SMARCAD1: variants seen among roughly 807,000 people sequenced by gnomAD.
SMARCAD1 encodes SWI/SNF-related matrix-associated actin-dependent regulator of chromatin subfamily A containing DEAD/H box 1.
Under a neutral mutation model 127.1 loss-of-function variants are expected in SMARCAD1, and 25 were observed. The ratio of observed to expected loss-of-function variants is 0.20; its 90% CI spans 0.14 to 0.27. The LOEUF (loss-of-function observed/expected upper bound fraction) is 0.27. Among genes scored for constraint, SMARCAD1 ranks in the 10% least tolerant of loss-of-function variants. SMARCAD1 has a pLI of 1.00. For missense variants in SMARCAD1, 807 were observed against 1,206.0 expected, an observed-to-expected ratio of 0.67 and a Z score of 4.90; for synonymous variants, 400 against 396.9, an observed-to-expected ratio of 1.01 and a Z score of -0.09.
At chr4:94,273,513 CA>C in intron 11 of SMARCAD1, 103 bp from the exon 12 acceptor site, 1 of 839,508 alleles carries the variant, frequency 1.2e-6, no homozygotes, top group Non-Finnish European at 1.9e-6. Flanking sequence ...TCTGGGAAAT[CA>C]AAAGTGAATA....
intron 2 of SMARCAD1, among the ~76,000 whole-genome samples, chr4:94,218,735 T>G (rs930381144): frequency 6.6e-6 from 1 of 152,214 alleles, no homozygotes; most frequent in African/African-American, 2.4e-5. Context: ...TTGATTCATC[T>G]TTTATTAAGA....
intron 9 of SMARCAD1, among the ~76,000 whole-genome samples, chr4:94,264,125 T>C (rs558075397): frequency 7.9e-5 from 12 of 152,048 alleles, no homozygotes; most frequent in Non-Finnish European, 1.6e-4. Context: ...TCATGTGATA[T>C]CTCTCCGTGT....
At chr4:94,249,433 G>A (rs865825124) in intron 6 of SMARCAD1, among the ~76,000 whole-genome samples, 33 of 151,858 alleles carry the variant, frequency 2.2e-4, no homozygotes, top group African/African-American at 6.3e-4. Flanking sequence ...TTGAGTTACC[G>A]GATATGCAAT....
In SMARCAD1 at chr4:94,234,105, G is replaced by T; in HGVS notation, c.520G>T (p.Asp174Tyr). ...GAAGGAACTTTTTCCACAAAGAAGTGACAATGATTTACTTAAGGTTATATT... is the reference window on the plus strand; with the variant it reads ...GAAGGAACTTTTTCCACAAAGAAGTTACAATGATTTACTTAAGGTTATATT... ...TLKELFPQRS[D>Y]NDLLKLIEST... The change falls in exon 4 of 24, where the codon GAC (aspartate) becomes TAC (tyrosine). Residue 174 changes from aspartate (D) to tyrosine (Y), a missense_variant. Asp to Tyr is a radical substitution (Grantham distance 160, BLOSUM62 -3). This residue lies in a region of SMARCAD1 where 48 missense variants were observed against 90.8 expected (regional missense o/e 0.53). Coordinates refer to ENST00000354268, the MANE Select transcript of SMARCAD1 (RefSeq NM_020159.5). 1.9e-6 allele frequency: 3 copies of T among 1,606,934 alleles called. No individual in the cohort carries two copies. In the South Asian group the frequency reaches 3.3e-5, roughly 18 times the overall value.
chr4:94,225,035 T>C (rs1166650115), intron 2 of SMARCAD1, among the ~76,000 whole-genome samples: 3 of 152,308 alleles, frequency 2.0e-5, no homozygotes, highest in South Asian at 2.1e-4. Context: ...TCCTAAAATA[T>C]GTAAGGGTAA....
chr4:94,278,044 A>G (rs1255793428), intron 16 of SMARCAD1, among the ~76,000 whole-genome samples: 6 of 152,164 alleles, frequency 3.9e-5, no homozygotes, highest in African/African-American at 1.4e-4. Context: ...GCCATTTTCC[A>G]CAAAGAAATA....
rs923325132 is a variant in SMARCAD1, at chr4:94,291,181, G to A, written c.*1647G>A. The A allele has an allele frequency of 6.6e-6, 3 of 453,096 alleles. No individual in the cohort carries two copies. The highest frequency in any genetic ancestry group is 1.3e-5 in the Non-Finnish European group (3 of 226,414). 28.1% of individuals were successfully genotyped at this position (453,096 alleles called of 1,614,324 possible). A position where few individuals can be genotyped will look rare whatever the true frequency, so the allele number is the denominator to read the frequency against. On this transcript the variant is annotated 3_prime_UTR_variant, in exon 24 of 24. Transcript: ENST00000354268. ...ATGATAGGCTGTTTCTTTTTTTGTT[G>A]TTATTGTTGTTGTTGTTATATCCAT...
chr4:94,285,081 G>T lies in SMARCAD1; in HGVS notation c.3019+12G>T. 6.5e-7 allele frequency: 1 copy of T among 1,537,278 alleles called. No individual in the cohort carries two copies. The highest frequency in any genetic ancestry group is 8.9e-7 in the Non-Finnish European group (1 of 1,118,000). ...TACAGTAGATGAAGGTGAGTTGTTT[G>T]TAAGCAGAAACTTCAATATTTATCT... On this transcript the variant is annotated intron_variant, in intron 23 of 23. Coordinates refer to ENST00000354268, the MANE Select transcript of SMARCAD1 (RefSeq NM_020159.5).
intron 3 of SMARCAD1, 105 bp downstream of exon 3, chr4:94,226,401 TC>T (rs376239868): frequency 6.3e-4 from 349 of 555,750 alleles, no homozygotes; most frequent in African/African-American, 7.0e-4. Flanking sequence ...TTTTTTTTTT[TC>T]TTTTTTTTTT....
At chr4:94,278,816 T>G in intron 18 of SMARCAD1, 83 bp downstream of exon 18, 1 of 1,599,442 alleles carries the variant, frequency 6.3e-7, no homozygotes, top group Non-Finnish European at 8.6e-7. Context: ...ATGGGATTTG[T>G]GCATTTTAAA....
chr4:94,221,011 T>C (rs1181451081), intron 2 of SMARCAD1, among the ~76,000 whole-genome samples: 2 of 152,216 alleles, frequency 1.3e-5, no homozygotes, highest in East Asian at 1.9e-4. Flanking sequence ...TCACAAAGTA[T>C]GGTTATACAA....
At chr4:94,260,307 A>G (rs572403181) in intron 9 of SMARCAD1, among the ~76,000 whole-genome samples, 6 of 152,262 alleles carry the variant, frequency 3.9e-5, no homozygotes, top group Admixed American at 6.5e-5. Flanking sequence ...GTCTGGATCC[A>G]TAATTCATTA....
intron 21 of SMARCAD1, among the ~76,000 whole-genome samples, chr4:94,282,206 T>TTCTC (rs1553921708): frequency 1.9e-5 from 1 of 51,388 alleles, no homozygotes; most frequent in Non-Finnish European, 4.7e-5. Context: ...TTCACGCCAT[T>TTCTC]CTGCCTCAGC....
At chr4:94,245,348 G>A (rs554284021) in intron 6 of SMARCAD1, among the ~76,000 whole-genome samples, 1 of 152,282 alleles carries the variant, frequency 6.6e-6, no homozygotes, top group Non-Finnish European at 1.5e-5. Context: ...TAATACAAAT[G>A]ATCAGATGTT....
chr4:94,213,429 A>C (rs1432787016), intron 2 of SMARCAD1, among the ~76,000 whole-genome samples: 1 of 152,206 alleles, frequency 6.6e-6, no homozygotes, highest in Non-Finnish European at 1.5e-5. Flanking sequence ...AGATTATAGA[A>C]CAGGAGGTTT....
chr4:94,282,799 C>T (rs1321348043), intron 21 of SMARCAD1, among the ~76,000 whole-genome samples: 1 of 151,828 alleles, frequency 6.6e-6, no homozygotes, highest in Non-Finnish European at 1.5e-5. Flanking sequence ...CGATATACTT[C>T]TGAGAAGGTT....
chr4:94,280,268 C>A (rs978560197), intron 19 of SMARCAD1, among the ~76,000 whole-genome samples: 1 of 152,094 alleles, frequency 6.6e-6, no homozygotes, highest in African/African-American at 2.4e-5. Flanking sequence ...TATGTTACTT[C>A]ACCCCTTTGA....
intron 7 of SMARCAD1, 129 bp downstream of exon 7, chr4:94,249,884 T>C (rs1012034744): frequency 9.2e-6 from 6 of 650,350 alleles, no homozygotes; most frequent in East Asian, 2.7e-5. Flanking sequence ...GTTCTCCTTT[T>C]ATCAATGTTA....
chr4:94,244,355 G>A (rs1331212702), intron 6 of SMARCAD1, among the ~76,000 whole-genome samples: 1 of 152,206 alleles, frequency 6.6e-6, no homozygotes, highest in Non-Finnish European at 1.5e-5. Flanking sequence ...ATAACTATTA[G>A]TGTAGATATG....
Sources: allele counts gnomAD v4.1 joint callset (sites outside exome capture counted in the v4.1 genomes callset), GRCh38; gene constraint gnomAD v4.1.1; regional missense constraint gnomAD v4.1.1; transcripts MANE v1.5; gene names NCBI Gene and HGNC (gene_info 2026-07-23, HGNC 2026-07-21).